Variants in GALK2 observed in about 807,000 individuals in gnomAD.
GALK2 encodes galactokinase 2.
GALK2 carries 36 observed loss-of-function variants against 52.4 expected under a neutral mutation model. The observed-to-expected ratio is 0.69, with a 90% CI of 0.53 to 0.91. The LOEUF (loss-of-function observed/expected upper bound fraction) is 0.91. GALK2 is among the 40% of genes least tolerant of loss of function. The pLI, the probability that GALK2 is intolerant of heterozygous loss-of-function variation, is 0.00. For missense variants in GALK2, 579 were observed against 559.1 expected (o/e 1.04, Z -0.36); for synonymous variants, 176 against 199.1 (o/e 0.88, Z 0.98).
At chr15:49,253,199 C>T (rs916307873) in intron 5 of GALK2, among the ~76,000 whole-genome samples, 1 of 144,480 alleles carries the variant, frequency 6.9e-6, no homozygotes, top group Non-Finnish European at 1.6e-5. Flanking sequence ...TCAATTTTAT[C>T]TTCCTTGAGT....
Position 49,327,941 on chromosome 15 carries a change from C to T in GALK2, c.1170-11C>T, listed in dbSNP as rs1363692512. 9 of 1,591,758 alleles carry T rather than the reference C, an allele frequency of 5.7e-6. No individual in the cohort carries two copies. Among genetic ancestry groups the T allele is most frequent in the Admixed American group, 3.5e-5 (2 of 56,628 alleles). ...TTATAGGTTCTAATATTTTTTTCCT[C>T]ACTGTTTTAGGAAGTTTGGGGCTCA... On this transcript the variant is annotated splice_polypyrimidine_tract_variant and intron_variant, in intron 9 of 9. Transcript: ENST00000560031.
upstream of GALK2, among the ~76,000 whole-genome samples, chr15:49,166,086 C>T (rs3105863): frequency 0.33 from 50,188 of 151,486 alleles, 8,971 homozygotes; most frequent in East Asian, 0.58. Context: ...ACACTGCGCC[C>T]GGCCCAAGAT....
At position 49,214,893 on chromosome 15, in the gene GALK2, A is replaced by C. The variant is rs1025088745; in HGVS notation, c.143-2297A>C. ...CTTTCAGATTGAATAACTCTCTTTA[A>C]CATTTTTTGCAAGACAGGTCTGGTG... On this transcript the variant is annotated intron_variant, in intron 2 of 9. Coordinates refer to ENST00000560031, the MANE Select transcript of GALK2 (RefSeq NM_002044.4). Among the ~76,000 whole-genome samples, 2 of 151,944 alleles carry C rather than the reference A, an allele frequency of 1.3e-5. 1 individual carries two copies. The highest frequency in any genetic ancestry group is 1.3e-4 in the Admixed American group (2 of 15,230).
chr15:49,189,289 G>A (rs556171541), intron 1 of GALK2, among the ~76,000 whole-genome samples: 19 of 151,980 alleles, frequency 1.3e-4, no homozygotes, highest in Non-Finnish European at 2.1e-4. Flanking sequence ...TTATATAATC[G>A]TAGCATAATG....
intron 1 of GALK2, chr15:49,199,308 G>A (rs1392651817): frequency 1.3e-5 from 2 of 151,938 alleles, no homozygotes; most frequent in Admixed American, 1.3e-4. Flanking sequence ...ATAACTTAAA[G>A]TTTGGCATTT....
intron 1 of GALK2, among the ~76,000 whole-genome samples, chr15:49,175,501 T>C (rs1204157754): frequency 6.6e-6 from 1 of 152,168 alleles, no homozygotes; most frequent in Non-Finnish European, 1.5e-5. Context: ...TCTACTTAAG[T>C]TTCTCAGATC....
intron 3 of GALK2, among the ~76,000 whole-genome samples, chr15:49,350,051 C>T (rs958911324): frequency 5.3e-5 from 8 of 152,178 alleles, no homozygotes; most frequent in African/African-American, 1.7e-4. Flanking sequence ...GAAGGCTGCA[C>T]GTGACAAAGT....
intron 5 of GALK2, among the ~76,000 whole-genome samples, chr15:49,266,942 T>C (rs1397214837): frequency 6.6e-6 from 1 of 152,180 alleles, no homozygotes; most frequent in Non-Finnish European, 1.5e-5. Context: ...TTATAACTAC[T>C]GTATTAATTT....
chr15:49,251,835 A>G (rs1272265874), intron 5 of GALK2, among the ~76,000 whole-genome samples: 2 of 152,236 alleles, frequency 1.3e-5, no homozygotes, highest in Non-Finnish European at 2.9e-5. Context: ...AAAAAATAGC[A>G]AGACTTTCTT....
chr15:49,330,215 C>G lies in GALK2; in HGVS notation c.*2056C>G, dbSNP rs1201567506. ...GCAAACATGGTGTGTGTAGGAGGCT[C>G]AGTGAGAGTGAAGGCTTTGCTTTGG... On this transcript the variant is annotated 3_prime_UTR_variant, in exon 10 of 10. Coordinates refer to ENST00000560031, the MANE Select transcript of GALK2 (RefSeq NM_002044.4). The G allele has an allele frequency of 6.6e-6, 1 of 152,150 alleles. No individual in the cohort carries two copies. The highest frequency in any genetic ancestry group is 2.4e-5 in the African/African-American group (1 of 41,404). The allele number at this position is 152,150 out of a possible 1,614,324, so 9.4% of individuals were successfully genotyped here. A position where few individuals can be genotyped will look rare whatever the true frequency, so the allele number is the denominator to read the frequency against.
At chr15:49,197,453 C>A (rs1488877692) in intron 1 of GALK2, among the ~76,000 whole-genome samples, 1 of 152,094 alleles carries the variant, frequency 6.6e-6, no homozygotes, top group Non-Finnish European at 1.5e-5. Context: ...TTTCAGATTT[C>A]AGATTTATTG....
At chr15:49,196,585 A>G (rs1356071138) in intron 1 of GALK2, among the ~76,000 whole-genome samples, 2 of 152,180 alleles carry the variant, frequency 1.3e-5, no homozygotes, top group Non-Finnish European at 2.9e-5. Context: ...ATTGCCTATT[A>G]TCAGGGTAAA....
At chr15:49,198,391 G>A (rs1275067980) in intron 1 of GALK2, among the ~76,000 whole-genome samples, 2 of 152,190 alleles carry the variant, frequency 1.3e-5, no homozygotes, top group East Asian at 3.9e-4. Context: ...GCCAGTGCTG[G>A]GCTGGACACT....
intron 3 of GALK2, among the ~76,000 whole-genome samples, chr15:49,364,010 C>T (rs1358602663): frequency 2.6e-5 from 4 of 151,940 alleles, no homozygotes; most frequent in African/African-American, 7.2e-5. Context: ...TGCTGGATTC[C>T]GTTCGCTAGT....
intron 5 of GALK2, among the ~76,000 whole-genome samples, chr15:49,251,129 GA>G (rs1450320940): frequency 2.0e-5 from 3 of 152,224 alleles, no homozygotes; most frequent in Middle Eastern, 3.4e-3. Flanking sequence ...GACATCACAA[GA>G]AAAGAGAATT....
At chr15:49,195,583 G>C (rs568988732) in intron 1 of GALK2, among the ~76,000 whole-genome samples, 34 of 151,838 alleles carry the variant, frequency 2.2e-4, no homozygotes, top group African/African-American at 8.0e-4. Context: ...TGTTACCTTA[G>C]TGAATTCTTT....
chr15:49,253,968 G>A (rs966797754), intron 5 of GALK2, among the ~76,000 whole-genome samples: 1 of 143,532 alleles, frequency 7.0e-6, no homozygotes, highest in African/African-American at 2.5e-5. Flanking sequence ...TTGACAATAG[G>A]GATGAATTTT....
At chr15:49,336,055 G>C (rs530114651), downstream of GALK2, among the ~76,000 whole-genome samples, 98 of 152,228 alleles carry the variant, frequency 6.4e-4, 1 homozygote, top group African/African-American at 2.3e-3. Context: ...CAATCCTCCT[G>C]CCTTGGCCTC....
chr15:49,178,988 A>T (rs1403343862), intron 1 of GALK2, among the ~76,000 whole-genome samples: 1 of 152,088 alleles, frequency 6.6e-6, no homozygotes. Flanking sequence ...CTTCTATTCA[A>T]CCTATCTACT....
Sources: allele counts gnomAD v4.1 joint callset (sites outside exome capture counted in the v4.1 genomes callset), GRCh38; gene constraint gnomAD v4.1.1; transcripts MANE v1.5; gene names NCBI Gene and HGNC (gene_info 2026-07-23, HGNC 2026-07-21).